The following CDYL variants were observed in gnomAD, a reference collection of about 807,000 sequenced individuals.
CDYL encodes chromodomain Y-like protein.
Under a neutral mutation model 47.3 loss-of-function variants are expected in CDYL, and 8 were observed. The observed-to-expected ratio is 0.17, with a 90% CI of 0.10 to 0.31. The LOEUF is 0.31. Ranked by LOEUF, CDYL falls within the 10% of genes least tolerant of loss-of-function variation. CDYL has a pLI of 1.00. For missense variants in CDYL, 471 were observed against 701.4 expected (o/e 0.67, Z 3.71); for synonymous variants, 266 against 265.0 (o/e 1.00, Z -0.04).
intron 2 of CDYL, among the ~76,000 whole-genome samples, chr6:4,900,507 G>A (rs1756995327): frequency 6.6e-6 from 1 of 151,616 alleles, no homozygotes; most frequent in Admixed American, 6.6e-5. Context: ...CACTATTTGA[G>A]AGTTAGTCGG....
intron 3 of CDYL, among the ~76,000 whole-genome samples, chr6:4,745,879 G>A (rs1757886664): frequency 6.6e-6 from 1 of 152,158 alleles, no homozygotes; most frequent in Non-Finnish European, 1.5e-5. Context: ...AGGCAACAGT[G>A]CACAAGCCCA....
chr6:4,844,571 C>T (rs1760599451), intron 1 of CDYL, among the ~76,000 whole-genome samples: 1 of 152,214 alleles, frequency 6.6e-6, no homozygotes, highest in Non-Finnish European at 1.5e-5. Flanking sequence ...TTTCTGTCTG[C>T]CATTTTCCTT....
intron 1 of CDYL, among the ~76,000 whole-genome samples, chr6:4,799,519 C>T (rs1418867142): frequency 6.6e-6 from 1 of 152,050 alleles, no homozygotes; most frequent in Non-Finnish European, 1.5e-5. Flanking sequence ...GATCATGGCT[C>T]AGCATAGCTT....
intron 1 of CDYL, among the ~76,000 whole-genome samples, chr6:4,816,899 G>T (rs538304976): frequency 6.6e-6 from 1 of 152,242 alleles, no homozygotes; most frequent in African/African-American, 2.4e-5. Flanking sequence ...ATAAAATTGT[G>T]TCTAGTATAG....
intron 1 of CDYL, among the ~76,000 whole-genome samples, chr6:4,865,402 C>A (rs808598): frequency 0.21 from 31,969 of 152,158 alleles, 4,971 homozygotes; most frequent in African/African-American, 0.45. Flanking sequence ...CTGCATCAGG[C>A]ATAAGAACCC....
At chr6:4,851,720 G>A (rs534883678) in intron 1 of CDYL, among the ~76,000 whole-genome samples, 2 of 152,306 alleles carry the variant, frequency 1.3e-5, no homozygotes, top group African/African-American at 2.4e-5. Flanking sequence ...ATCCCTGATC[G>A]TGGCTGTGCA....
intron 1 of CDYL, among the ~76,000 whole-genome samples, chr6:4,782,497 A>G (rs1328843105): frequency 1.3e-5 from 2 of 152,068 alleles, no homozygotes; most frequent in East Asian, 1.9e-4. Context: ...CAACTCTAGA[A>G]TGGAGAATTT....
At chr6:4,715,760 G>A (rs1162160987) in exon 2 of CDYL, 1 of 1,613,750 alleles carries the variant, frequency 6.2e-7, no homozygotes, top group Non-Finnish European at 8.5e-7. Flanking sequence ...AGAGAACACA[G>A]AGCCCCCGGA....
intron 1 of CDYL, among the ~76,000 whole-genome samples, chr6:4,830,597 A>T (rs541011591): frequency 6.6e-6 from 1 of 151,926 alleles, no homozygotes; most frequent in African/African-American, 2.4e-5. Context: ...TATTTATTTT[A>T]ATTTTTTATT....
chr6:4,739,824 A>T (rs1001921503), intron 3 of CDYL, among the ~76,000 whole-genome samples: 2 of 151,802 alleles, frequency 1.3e-5, no homozygotes, highest in African/African-American at 2.4e-5. Context: ...ATGGTGGCGC[A>T]TGCCTGTATT....
At chr6:4,732,362 G>A (rs1256212503) in intron 2 of CDYL, among the ~76,000 whole-genome samples, 1 of 150,386 alleles carries the variant, frequency 6.6e-6, no homozygotes, top group African/African-American at 2.5e-5. Context: ...TTAATTTAAT[G>A]GGAAGAAATG....
chr6:4,943,170 G>T (rs980400356), intron 4 of CDYL, among the ~76,000 whole-genome samples: 5 of 152,138 alleles, frequency 3.3e-5, no homozygotes, highest in Admixed American at 2.6e-4. Context: ...GATTTGTCTT[G>T]TGAAGCCCAG....
chr6:4,852,737 A>G (rs1760888806), intron 1 of CDYL, among the ~76,000 whole-genome samples: 2 of 151,972 alleles, frequency 1.3e-5, no homozygotes, highest in Non-Finnish European at 2.9e-5. Context: ...GATGATTCAA[A>G]TACATTATTT....
intron 1 of CDYL, among the ~76,000 whole-genome samples, chr6:4,812,703 G>A (rs1759563580): frequency 6.6e-6 from 1 of 151,856 alleles, no homozygotes; most frequent in Admixed American, 6.6e-5. Flanking sequence ...CAAGTTCTGT[G>A]AAAAATTCTA....
At chr6:4,878,239 T>C (rs1431276223) in intron 1 of CDYL, among the ~76,000 whole-genome samples, 11 of 152,230 alleles carry the variant, frequency 7.2e-5, no homozygotes, top group Non-Finnish European at 1.6e-4. Context: ...TTTAAGATTA[T>C]GTTGGCTTCA....
chr6:4,821,596 G>A (rs961248858), intron 1 of CDYL, among the ~76,000 whole-genome samples: 1 of 151,990 alleles, frequency 6.6e-6, no homozygotes, highest in African/African-American at 2.4e-5. Flanking sequence ...TGGTGGGCGT[G>A]GTGGCATGCA....
intron 3 of CDYL, among the ~76,000 whole-genome samples, chr6:4,739,608 C>A (rs899918433): frequency 6.6e-6 from 1 of 150,874 alleles, no homozygotes; most frequent in African/African-American, 2.4e-5. Flanking sequence ...TTCTTAAATA[C>A]CAAAGCAACA....
chr6:4,819,985 A>C (rs941878181), intron 1 of CDYL, among the ~76,000 whole-genome samples: 3 of 152,152 alleles, frequency 2.0e-5, no homozygotes, highest in Non-Finnish European at 4.4e-5. Flanking sequence ...CAGCAGGACA[A>C]GAGTTGTTAA....
At chr6:4,842,550 C>G (rs1296459498) in intron 1 of CDYL, among the ~76,000 whole-genome samples, 1 of 151,924 alleles carries the variant, frequency 6.6e-6, no homozygotes, top group Non-Finnish European at 1.5e-5. Flanking sequence ...TCTACTGTTG[C>G]TTTAACATTT....
Sources: allele counts gnomAD v4.1 joint callset (sites outside exome capture counted in the v4.1 genomes callset), GRCh38; gene constraint gnomAD v4.1.1; transcripts MANE v1.5; gene names NCBI Gene and HGNC (gene_info 2026-07-23, HGNC 2026-07-21).